The following CACNA2D3 variants were observed in gnomAD, a reference collection of about 807,000 sequenced individuals.
CACNA2D3 encodes calcium voltage-gated channel auxiliary subunit alpha2delta 3.
Under a neutral mutation model 160.6 loss-of-function variants are expected in CACNA2D3, and 60 were observed. The observed-to-expected ratio is 0.37, with a 90% CI of 0.30 to 0.46. CACNA2D3 has a LOEUF of 0.46. Ranked by LOEUF, CACNA2D3 falls within the 20% of genes least tolerant of loss-of-function variation. The probability of loss-of-function intolerance (pLI) is 1.00; values close to 1 mark genes in which losing one functional copy is unlikely to be tolerated. For missense variants in CACNA2D3, 1,205 were observed against 1,365.0 expected (o/e 0.88, Z 1.85); for synonymous variants, 558 against 492.9 (o/e 1.13, Z -1.75).
At chr3:54,236,771 G>T (rs1701886147) in intron 2 of CACNA2D3, among the ~76,000 whole-genome samples, 1 of 152,078 alleles carries the variant, frequency 6.6e-6, no homozygotes, top group Admixed American at 6.5e-5. Flanking sequence ...GCTGCCCTGG[G>T]TTCATTCCAG....
chr3:54,749,946 G>T (rs1575456306), intron 11 of CACNA2D3, among the ~76,000 whole-genome samples: 2 of 152,230 alleles, frequency 1.3e-5, no homozygotes, highest in East Asian at 1.9e-4. Context: ...CCACAGTGGT[G>T]GTGGTGGTCG....
intron 12 of CACNA2D3, among the ~76,000 whole-genome samples, chr3:54,762,892 C>T (rs1159636509): frequency 1.3e-5 from 2 of 152,060 alleles, no homozygotes; most frequent in East Asian, 3.9e-4. Flanking sequence ...GAGATCAAGA[C>T]TGTCCTAGCT....
At chr3:54,253,969 G>T (rs569345408) in intron 2 of CACNA2D3, among the ~76,000 whole-genome samples, 1 of 152,072 alleles carries the variant, frequency 6.6e-6, no homozygotes, top group Admixed American at 6.6e-5. Flanking sequence ...GTTTCACCAT[G>T]TTGGCCAGGC....
intron 15 of CACNA2D3, 28 bp from the exon 16 acceptor site, chr3:54,838,540 A>G (rs981843847): frequency 6.4e-7 from 1 of 1,561,618 alleles, no homozygotes; most frequent in Non-Finnish European, 8.8e-7. Context: ...ACTTACTGTT[A>G]TTATAATTCA....
In CACNA2D3 at chr3:54,651,705, A is replaced by G. The variant is rs914702277; in HGVS notation, c.1167+9464A>G. 2.6e-5 allele frequency among the ~76,000 whole-genome samples: 4 copies of G among 152,084 alleles called. 1 individual carries two copies. The highest frequency in any genetic ancestry group is 9.7e-5 in the African/African-American group (4 of 41,432). Reference sequence around the variant, plus strand: ...TTGTGCCCCAAGCCTCCCCCGTGCTATAACTTGGAGGATAAAGCCTCAAGC... The same window carrying G: ...TTGTGCCCCAAGCCTCCCCCGTGCTGTAACTTGGAGGATAAAGCCTCAAGC... On this transcript the variant is annotated intron_variant, in intron 11 of 37. Transcript: ENST00000474759.
At chr3:55,045,768 TTA>T (rs1476689034) in intron 35 of CACNA2D3, among the ~76,000 whole-genome samples, 2 of 151,244 alleles carry the variant, frequency 1.3e-5, no homozygotes, top group Non-Finnish European at 2.9e-5. Context: ...TAGTTTTAGT[TTA>T]TGTCTTTTCT....
intron 18 of CACNA2D3, chr3:54,874,894 TG>T (rs1239255230): frequency 6.6e-6 from 1 of 152,282 alleles, no homozygotes; most frequent in African/African-American, 2.4e-5. Flanking sequence ...GGGAGTGCCT[TG>T]CACATAGTAG....
In CACNA2D3 at chr3:54,533,793, TAGTGTG is replaced by T. The variant is rs1462302398; in HGVS notation, c.545-29006_545-29001del. Among the ~76,000 whole-genome samples, 5 of 52,370 alleles carry T rather than the reference TAGTGTG, an allele frequency of 9.5e-5. No homozygotes were observed. The East Asian group carries it at 2.1e-3, about 22-fold the overall frequency. 34.4% of individuals were successfully genotyped at this position (52,370 alleles called of 152,430 possible). A position where few individuals can be genotyped will look rare whatever the true frequency, so the allele number is the denominator to read the frequency against. On this transcript the variant is annotated intron_variant, in intron 5 of 37. Coordinates refer to ENST00000474759, the MANE Select transcript of CACNA2D3 (RefSeq NM_018398.3). ...TCTTCTAGTGGTTTGAAATGGAAAATAGTGTGTGTGTGTGTGTGTGTGTGTGTGTGT... is the reference window on the plus strand; with the variant it reads ...TCTTCTAGTGGTTTGAAATGGAAAATTGTGTGTGTGTGTGTGTGTGTGTGT...
intron 2 of CACNA2D3, among the ~76,000 whole-genome samples, chr3:54,318,885 G>A (rs939189157): frequency 2.0e-5 from 3 of 151,944 alleles, no homozygotes; most frequent in Non-Finnish European, 4.4e-5. Context: ...AAAAAAATTT[G>A]TAGAGACTGG....
At chr3:54,823,411 T>C (rs905718073) in intron 14 of CACNA2D3, among the ~76,000 whole-genome samples, 1 of 152,202 alleles carries the variant, frequency 6.6e-6, no homozygotes, top group Non-Finnish European at 1.5e-5. Context: ...TTTTACACTT[T>C]TATGCATGAA....
At chr3:54,698,060 C>T (rs984993231) in intron 11 of CACNA2D3, among the ~76,000 whole-genome samples, 3 of 152,170 alleles carry the variant, frequency 2.0e-5, no homozygotes, top group African/African-American at 7.2e-5. Flanking sequence ...GCTCTCTCTC[C>T]TTACTTTCAT....
intron 9 of CACNA2D3, among the ~76,000 whole-genome samples, chr3:54,608,044 G>T (rs1192389113): frequency 6.6e-6 from 1 of 152,206 alleles, no homozygotes; most frequent in African/African-American, 2.4e-5. Flanking sequence ...TTGCAAGGGA[G>T]TTTCTTTATG....
intron 2 of CACNA2D3, among the ~76,000 whole-genome samples, chr3:54,141,242 C>G (rs892304350): frequency 6.6e-6 from 1 of 152,106 alleles, no homozygotes; most frequent in African/African-American, 2.4e-5. Flanking sequence ...CTCTTATGTG[C>G]TGAATTAACC....
intron 3 of CACNA2D3, among the ~76,000 whole-genome samples, chr3:54,356,994 A>G (rs970881174): frequency 6.6e-6 from 1 of 152,126 alleles, no homozygotes; most frequent in Non-Finnish European, 1.5e-5. Context: ...TTTAAGAGAC[A>G]TATGTAGGAC....
At chr3:55,061,916 C>T (rs1410300103) in intron 35 of CACNA2D3, among the ~76,000 whole-genome samples, 3 of 151,998 alleles carry the variant, frequency 2.0e-5, no homozygotes, top group Non-Finnish European at 4.4e-5. Context: ...GATATTTGTA[C>T]CAAAAGAAGG....
chr3:54,338,467 CTGTGTGTG>C (rs71074965), intron 3 of CACNA2D3, among the ~76,000 whole-genome samples: 10,688 of 136,454 alleles, frequency 0.078, 511 homozygotes, highest in Middle Eastern at 0.14. Flanking sequence ...TCTCCCCTCC[CTGTGTGTG>C]TGTGTGTGTG....
intron 21 of CACNA2D3, among the ~76,000 whole-genome samples, chr3:54,884,117 GTTGT>G (rs1464929767): frequency 1.3e-5 from 2 of 152,122 alleles, no homozygotes; most frequent in East Asian, 3.9e-4. Flanking sequence ...AGGAAGGAAA[GTTGT>G]TTGGTTGGGA....
intron 11 of CACNA2D3, among the ~76,000 whole-genome samples, chr3:54,687,635 T>C (rs1700493174): frequency 6.6e-6 from 1 of 152,212 alleles, no homozygotes; most frequent in South Asian, 2.1e-4. Flanking sequence ...CAGTAAAGGA[T>C]AATTGAATAC....
intron 10 of CACNA2D3, among the ~76,000 whole-genome samples, chr3:54,633,270 T>C (rs577453075): frequency 5.3e-5 from 8 of 152,248 alleles, no homozygotes; most frequent in African/African-American, 1.4e-4. Context: ...GAGAGTAGAT[T>C]CTAGAGCTTG....
Sources: gnomAD v4.1 joint callset for allele counts (sites outside exome capture counted in the v4.1 genomes callset) on GRCh38, gnomAD v4.1.1 for gene constraint, MANE v1.5 for transcripts, NCBI Gene and HGNC (gene_info 2026-07-23, HGNC 2026-07-21) for gene names.